Variants in RAB3C observed in about 807,000 individuals in gnomAD.
RAB3C encodes ras-related protein Rab-3C.
A neutral mutation model predicts 26.4 loss-of-function variants in RAB3C; 17 were observed. The observed-to-expected ratio is 0.64, with a 90% CI of 0.44 to 0.97. RAB3C has a LOEUF of 0.97. Ranked by LOEUF, RAB3C falls within the 50% of genes least tolerant of loss-of-function variation. RAB3C has a pLI of 0.00. For missense variants in RAB3C, 242 were observed against 281.9 expected (o/e 0.86, Z 1.01); for synonymous variants, 91 against 95.9 (o/e 0.95, Z 0.30).
rs112189224 is a variant in RAB3C, at chr5:58,583,110, A to C, written c.-99A>C. The C allele has an allele frequency of 4.8e-5, 77 of 1,595,458 alleles. 3 individuals carry two copies. The African/African-American group carries it at 6.3e-4, about 13-fold the overall frequency. ...TTGGAGCCGGTTAGCGAACCCCAAG[A>C]GTGCAGAGTGTGGAGCGTGGAGCGC... On this transcript the variant is annotated 5_prime_UTR_variant, in exon 1 of 5. Transcript: ENST00000282878.
chr5:58,674,617 A>C (rs1748186185), intron 2 of RAB3C, among the ~76,000 whole-genome samples: 2 of 152,258 alleles, frequency 1.3e-5, no homozygotes, highest in Admixed American at 1.3e-4. Context: ...TCAATACAAT[A>C]CAATAATGCA....
chr5:58,627,536 T>G, intron 2 of RAB3C, among the ~76,000 whole-genome samples: 1 of 143,022 alleles, frequency 7.0e-6, no homozygotes, highest in Non-Finnish European at 1.6e-5. Flanking sequence ...TTAAATTCGG[T>G]GCAAATTAAG....
intron 2 of RAB3C, among the ~76,000 whole-genome samples, chr5:58,722,882 A>G (rs899523319): frequency 6.6e-6 from 1 of 151,910 alleles, no homozygotes; most frequent in Non-Finnish European, 1.5e-5. Context: ...AATAGTAAGC[A>G]AAGTATAATA....
chr5:58,635,258 T>C (rs748152168), intron 2 of RAB3C, among the ~76,000 whole-genome samples: 3 of 152,120 alleles, frequency 2.0e-5, no homozygotes, highest in African/African-American at 2.4e-5. Context: ...AAAGGAAAAG[T>C]TTAAGATCAA....
At chr5:58,615,154 T>C (rs936887795) in intron 1 of RAB3C, among the ~76,000 whole-genome samples, 37 of 152,270 alleles carry the variant, frequency 2.4e-4, no homozygotes, top group African/African-American at 8.2e-4. Context: ...CTGAAGTTGA[T>C]AGCAGCAGTC....
At chr5:58,757,523 G>T (rs151122106) in intron 3 of RAB3C, among the ~76,000 whole-genome samples, 1 of 152,224 alleles carries the variant, frequency 6.6e-6, no homozygotes, top group African/African-American at 2.4e-5. Flanking sequence ...TCACTTTCAA[G>T]TTATGCATTC....
At chr5:58,721,363 T>G (rs184736085) in intron 2 of RAB3C, among the ~76,000 whole-genome samples, 388 of 151,880 alleles carry the variant, frequency 2.6e-3, no homozygotes, top group African/African-American at 7.4e-3. Context: ...GTTGTTTTTT[T>G]CAGTCACGAG....
At chr5:58,674,210 G>A (rs1187838602) in intron 2 of RAB3C, among the ~76,000 whole-genome samples, 1 of 152,174 alleles carries the variant, frequency 6.6e-6, no homozygotes, top group Admixed American at 6.5e-5. Flanking sequence ...TATTTAGTGA[G>A]AGCAATGAGT....
At chr5:58,783,851 G>T (rs1742321429) in intron 3 of RAB3C, among the ~76,000 whole-genome samples, 1 of 152,140 alleles carries the variant, frequency 6.6e-6, no homozygotes. Context: ...TATTGTTTTT[G>T]ACTTAAATGT....
chr5:58,768,888 A>T (rs1295573778), intron 3 of RAB3C, among the ~76,000 whole-genome samples: 2 of 152,012 alleles, frequency 1.3e-5, no homozygotes, highest in Non-Finnish European at 2.9e-5. Flanking sequence ...CAATAAATTC[A>T]CTCCCACTGC....
intron 1 of RAB3C, among the ~76,000 whole-genome samples, chr5:58,598,458 T>C (rs964594048): frequency 2.6e-4 from 40 of 152,044 alleles, no homozygotes; most frequent in African/African-American, 9.4e-4. Context: ...TCTTACCACT[T>C]GGATTCTTCC....
intron 4 of RAB3C, among the ~76,000 whole-genome samples, chr5:58,839,106 T>C (rs904994054): frequency 2.6e-5 from 4 of 151,942 alleles, no homozygotes; most frequent in African/African-American, 9.7e-5. Flanking sequence ...ACAAATGAAG[T>C]GAGTTTTTTG....
intron 2 of RAB3C, among the ~76,000 whole-genome samples, chr5:58,625,404 A>G (rs1747030666): frequency 6.6e-6 from 1 of 152,190 alleles, no homozygotes; most frequent in Admixed American, 6.5e-5. Context: ...GTAGCCAACA[A>G]TCAATGGAGG....
At position 58,660,112 on chromosome 5, in the gene RAB3C, A is replaced by T. The variant is rs1747870273; in HGVS notation, c.252+42242A>T. Among the ~76,000 whole-genome samples, 13 of 150,900 alleles carry T rather than the reference A, an allele frequency of 8.6e-5. 1 individual carries two copies. The highest frequency in any genetic ancestry group is 2.5e-4 in the African/African-American group (10 of 40,270). On this transcript the variant is annotated intron_variant, in intron 2 of 4. Coordinates refer to ENST00000282878, the MANE Select transcript of RAB3C (RefSeq NM_138453.4). ...GAGCCACCACACCTGGCTTTTCTTA[A>T]ATTCCTAATACAGCAATTACCTTGG...
intron 1 of RAB3C, among the ~76,000 whole-genome samples, chr5:58,601,761 G>A (rs548781113): frequency 3.9e-5 from 6 of 151,906 alleles, no homozygotes; most frequent in Non-Finnish European, 8.8e-5. Context: ...CTTGCTAATG[G>A]TCTATCAATT....
intron 3 of RAB3C, among the ~76,000 whole-genome samples, chr5:58,761,627 C>T (rs879504681): frequency 3.3e-5 from 5 of 152,120 alleles, no homozygotes; most frequent in Admixed American, 1.3e-4. Context: ...CTTTGACATA[C>T]ACACACATAC....
At chr5:58,774,714 G>T (rs1388161662) in intron 3 of RAB3C, among the ~76,000 whole-genome samples, 1 of 152,150 alleles carries the variant, frequency 6.6e-6, no homozygotes, top group Non-Finnish European at 1.5e-5. Flanking sequence ...AGATATAGGT[G>T]ACATTCAAGC....
chr5:58,639,921 C>G (rs1747377985), intron 2 of RAB3C, among the ~76,000 whole-genome samples: 3 of 152,136 alleles, frequency 2.0e-5, no homozygotes, highest in Non-Finnish European at 2.9e-5. Context: ...CCTTCCTTCC[C>G]CAGTGATGTT....
chr5:58,729,436 C>G (rs1740956458), intron 3 of RAB3C, among the ~76,000 whole-genome samples: 1 of 151,896 alleles, frequency 6.6e-6, no homozygotes, highest in Non-Finnish European at 1.5e-5. Flanking sequence ...TCAGCAAACA[C>G]CAACCTGCTT....
Sources: allele counts gnomAD v4.1 joint callset (sites outside exome capture counted in the v4.1 genomes callset), GRCh38; gene constraint gnomAD v4.1.1; transcripts MANE v1.5; gene names NCBI Gene and HGNC (gene_info 2026-07-23, HGNC 2026-07-21).